ZNF536: variants seen among roughly 807,000 people sequenced by gnomAD.
The protein encoded by ZNF536 is zinc finger protein 536.
ZNF536 carries 13 observed loss-of-function variants against 84.5 expected under a neutral mutation model. The observed-to-expected ratio is 0.15, with a 90% confidence interval of 0.10 to 0.24. The LOEUF is 0.24. ZNF536 is among the 10% of genes least tolerant of loss of function. The probability of loss-of-function intolerance (pLI) is 1.00; values close to 1 mark genes in which losing one functional copy is unlikely to be tolerated. For synonymous variants in ZNF536, 811 were observed against 742.5 expected (o/e 1.09, Z -1.50); for missense variants, 1,536 against 1,747.5 (o/e 0.88, Z 2.16).
intron 2 of ZNF536, among the ~76,000 whole-genome samples, chr19:30,496,202 G>A (rs1408125470): frequency 1.3e-5 from 2 of 152,022 alleles, no homozygotes; most frequent in Non-Finnish European, 2.9e-5. Context: ...AATGATCCTG[G>A]GCCATCCTGG....
intron 3 of ZNF536, among the ~76,000 whole-genome samples, chr19:30,541,239 G>T (rs1285093817): frequency 6.6e-6 from 1 of 152,118 alleles, no homozygotes; most frequent in African/African-American, 2.4e-5. Context: ...TCTATGTAAG[G>T]TATCTAGGCT....
intron 2 of ZNF536, among the ~76,000 whole-genome samples, chr19:30,291,668 C>T (rs2045845009): frequency 6.6e-6 from 1 of 152,190 alleles, no homozygotes; most frequent in Admixed American, 6.5e-5. Flanking sequence ...ATACTGTTTT[C>T]CATAGTGGCT....
chr19:30,504,819 A>C (rs916608193), intron 2 of ZNF536, among the ~76,000 whole-genome samples: 1 of 152,058 alleles, frequency 6.6e-6, no homozygotes, highest in Non-Finnish European at 1.5e-5. Flanking sequence ...CCTGAGACCT[A>C]AAGAAGCTGT....
At chr19:30,433,451 A>T (rs1031245309) in intron 1 of ZNF536, among the ~76,000 whole-genome samples, 1 of 152,246 alleles carries the variant, frequency 6.6e-6, no homozygotes, top group Non-Finnish European at 1.5e-5. Flanking sequence ...CAGTCCCACT[A>T]TATAGATCCT....
intron 2 of ZNF536, among the ~76,000 whole-genome samples, chr19:30,476,172 G>C (rs1206996134): frequency 2.0e-5 from 3 of 152,110 alleles, no homozygotes; most frequent in African/African-American, 7.2e-5. Flanking sequence ...CTGGGGACTG[G>C]GGCTTCTCCC....
rs544952990 is a variant in ZNF536, at chr19:30,678,622, G to A, written c.170-32135G>A. Among the ~76,000 whole-genome samples, 26 of 152,274 alleles carry A rather than the reference G, an allele frequency of 1.7e-4. No individual in the cohort carries two copies. The South Asian group carries it at 2.7e-3, about 16-fold the overall frequency. On this transcript the variant is annotated intron_variant, in intron 1 of 1. Coordinates refer to the ZNF536 transcript ENST00000592773. ...TTGCTCTTGAAACTGCAGATCCCAG[G>A]CAGATCCTGGCACTGGACTCCTAGA...
intron 1 of ZNF536, among the ~76,000 whole-genome samples, chr19:30,631,804 G>A (rs1203778560): frequency 1.3e-5 from 2 of 152,166 alleles, no homozygotes; most frequent in African/African-American, 4.8e-5. Flanking sequence ...AAAACATTCT[G>A]TTCTTCAGCT....
intron 1 of ZNF536, among the ~76,000 whole-genome samples, chr19:30,251,440 G>A (rs955163124): frequency 6.6e-6 from 1 of 152,142 alleles, no homozygotes; most frequent in Non-Finnish European, 1.5e-5. Flanking sequence ...TGTGTTGAAG[G>A]GGGAGCAGGA....
intron 1 of ZNF536, among the ~76,000 whole-genome samples, chr19:30,242,248 A>G (rs746043719): frequency 6.6e-6 from 1 of 152,098 alleles, no homozygotes; most frequent in Non-Finnish European, 1.5e-5. Context: ...CAGAGAAGTG[A>G]GAAGATAAAG....
At chr19:30,308,846 G>C (rs185563057) in intron 2 of ZNF536, among the ~76,000 whole-genome samples, 1 of 152,312 alleles carries the variant, frequency 6.6e-6, no homozygotes, top group Admixed American at 6.5e-5. Flanking sequence ...TTCCTGTGAA[G>C]GGTCCATGAG....
chr19:30,692,034 C>T (rs1000668340), intron 1 of ZNF536, among the ~76,000 whole-genome samples: 2 of 152,234 alleles, frequency 1.3e-5, no homozygotes, highest in African/African-American at 4.8e-5. Context: ...GGCCCCCTCT[C>T]GGATCCCAGG....
intron 1 of ZNF536, among the ~76,000 whole-genome samples, chr19:30,244,237 C>G (rs10424091): frequency 0.015 from 2,222 of 152,242 alleles, 58 homozygotes; most frequent in African/African-American, 0.051. Flanking sequence ...TGTAACACTC[C>G]TTTCCACCTG....
intron 2 of ZNF536, among the ~76,000 whole-genome samples, chr19:30,506,581 C>G (rs796081525): frequency 5.9e-5 from 9 of 152,322 alleles, no homozygotes; most frequent in African/African-American, 2.2e-4. Context: ...CCTGGGAATG[C>G]CCCCACACTG....
intron 1 of ZNF536, among the ~76,000 whole-genome samples, chr19:30,434,811 ATGATGGTGG>A (rs564085956): frequency 1.1e-4 from 17 of 151,404 alleles, no homozygotes; most frequent in African/African-American, 2.4e-4. Flanking sequence ...GGTGATGGTG[ATGATGGTGG>A]TGATGGTGGT....
chr19:30,516,056 T>C (rs1212193042), intron 2 of ZNF536, among the ~76,000 whole-genome samples: 2 of 130,800 alleles, frequency 1.5e-5, no homozygotes, highest in African/African-American at 5.8e-5. Flanking sequence ...AAAAAAGCAA[T>C]AAAGAAAGAA....
intron 1 of ZNF536, among the ~76,000 whole-genome samples, chr19:30,257,194 T>C (rs747513013): frequency 4.6e-5 from 7 of 152,220 alleles, no homozygotes; most frequent in Non-Finnish European, 8.8e-5. Flanking sequence ...TTCCACATAT[T>C]TTGAAATCTC....
chr19:30,512,904 T>C (rs193103927), intron 2 of ZNF536, among the ~76,000 whole-genome samples: 1 of 152,364 alleles, frequency 6.6e-6, no homozygotes, highest in East Asian at 1.9e-4. Context: ...AAGATGGCAC[T>C]ATTCCAAATA....
chr19:30,631,428 C>G (rs1387342380), intron 1 of ZNF536, among the ~76,000 whole-genome samples: 2 of 152,198 alleles, frequency 1.3e-5, no homozygotes, highest in Non-Finnish European at 2.9e-5. Flanking sequence ...TCCCCTCCCA[C>G]CAGGGTCCAT....
intron 1 of ZNF536, among the ~76,000 whole-genome samples, chr19:30,407,275 T>A (rs544348291): frequency 6.6e-6 from 1 of 152,344 alleles, no homozygotes; most frequent in African/African-American, 2.4e-5. Flanking sequence ...TTCTAAACAT[T>A]ACATAATGAG....
Sources: gnomAD v4.1 joint callset for allele counts (sites outside exome capture counted in the v4.1 genomes callset) on GRCh38, gnomAD v4.1.1 for gene constraint, MANE v1.5 for transcripts, NCBI Gene and HGNC (gene_info 2026-07-23, HGNC 2026-07-21) for gene names.